ENTREP2: variants seen among roughly 807,000 people sequenced by gnomAD.
The protein encoded by ENTREP2 is endosomal transmembrane epsin interactor 2, also known as protein ENTREP2.
At chr15:29,519,176 CAT>C in the ENTREP2 span, among the ~76,000 whole-genome samples, 1 of 151,896 alleles carries the variant, frequency 6.6e-6, no homozygotes, top group African/African-American at 2.4e-5. Flanking sequence ...CACACACACA[CAT>C]ACACACACAG....
At chr15:29,444,743 G>A in the ENTREP2 span, among the ~76,000 whole-genome samples, 2 of 152,148 alleles carry the variant, frequency 1.3e-5, no homozygotes, top group African/African-American at 4.8e-5. Flanking sequence ...GGGATTACAG[G>A]TGTGAGCCAT....
chr15:29,598,055 A>G, the ENTREP2 span, among the ~76,000 whole-genome samples: 1 of 152,072 alleles, frequency 6.6e-6, no homozygotes, highest in Non-Finnish European at 1.5e-5. Flanking sequence ...CCTGGGAGGC[A>G]GAGGTTGCAG....
At chr15:29,125,726 G>A in the ENTREP2 span, among the ~76,000 whole-genome samples, 2 of 152,244 alleles carry the variant, frequency 1.3e-5, no homozygotes, top group African/African-American at 4.8e-5. Context: ...GGGAGCTACT[G>A]TGAAATGCAA....
the ENTREP2 span, chr15:29,121,693 C>T: frequency 5.3e-5 from 8 of 152,356 alleles, no homozygotes; most frequent in South Asian, 4.1e-4. Flanking sequence ...ATCTCTAGTA[C>T]GTCTCTCCTG....
At chr15:29,433,770 C>T in the ENTREP2 span, among the ~76,000 whole-genome samples, 3 of 104,600 alleles carry the variant, frequency 2.9e-5, no homozygotes, top group South Asian at 8.2e-4. Context: ...CAAACACAGA[C>T]TCCTCCATGG....
the ENTREP2 span, among the ~76,000 whole-genome samples, chr15:29,639,383 A>C: frequency 6.6e-6 from 1 of 152,212 alleles, no homozygotes; most frequent in Non-Finnish European, 1.5e-5. Flanking sequence ...TTCTGCCGAA[A>C]GTTTGTGATT....
chr15:29,191,496 G>C, the ENTREP2 span, among the ~76,000 whole-genome samples: 1 of 151,996 alleles, frequency 6.6e-6, no homozygotes, highest in African/African-American at 2.4e-5. Flanking sequence ...AAGACACAAG[G>C]GCTCATGGAA....
chr15:29,232,511 G>C, the ENTREP2 span, among the ~76,000 whole-genome samples: 33 of 151,144 alleles, frequency 2.2e-4, no homozygotes, highest in African/African-American at 8.0e-4. Flanking sequence ...TTTTTAAAGA[G>C]ATGGGGGGTC....
chr15:29,262,248 G>C, the ENTREP2 span, among the ~76,000 whole-genome samples: 1 of 152,042 alleles, frequency 6.6e-6, no homozygotes, highest in Admixed American at 6.6e-5. Context: ...GGTTCTTTAG[G>C]CCTCAGGCAA....
chr15:29,253,895 T>C, the ENTREP2 span, among the ~76,000 whole-genome samples: 1 of 152,126 alleles, frequency 6.6e-6, no homozygotes, highest in Non-Finnish European at 1.5e-5. Flanking sequence ...CCTCATCAAC[T>C]GTTTTGTTAC....
At chr15:29,338,893 T>C in the ENTREP2 span, among the ~76,000 whole-genome samples, 158 of 76,758 alleles carry the variant, frequency 2.1e-3, no homozygotes, top group African/African-American at 4.8e-3. Context: ...TCCCAGCAAA[T>C]AATACTCCCC....
chr15:29,185,288 C>A, the ENTREP2 span, among the ~76,000 whole-genome samples: 1 of 152,036 alleles, frequency 6.6e-6, no homozygotes, highest in African/African-American at 2.4e-5. Flanking sequence ...CTATCGGTTT[C>A]GGAATCACAC....
chr15:29,130,758 C>A, the ENTREP2 span, among the ~76,000 whole-genome samples: 1 of 152,162 alleles, frequency 6.6e-6, no homozygotes, highest in Non-Finnish European at 1.5e-5. Context: ...TGTGGCCCTT[C>A]CCTGATGTCA....
the ENTREP2 span, among the ~76,000 whole-genome samples, chr15:29,545,842 A>T: frequency 6.6e-6 from 1 of 152,248 alleles, no homozygotes; most frequent in South Asian, 2.1e-4. Flanking sequence ...ACATCTTGAA[A>T]TGTTAATCCT....
chr15:29,289,109 A>T, the ENTREP2 span, among the ~76,000 whole-genome samples: 1 of 151,298 alleles, frequency 6.6e-6, no homozygotes, highest in African/African-American at 2.4e-5. Context: ...CTGAAGGCTG[A>T]GGTGGGAGGA....
At chr15:29,502,851 A>G in the ENTREP2 span, among the ~76,000 whole-genome samples, 646 of 152,184 alleles carry the variant, frequency 4.2e-3, 8 homozygotes, top group African/African-American at 0.015. Flanking sequence ...TCTTTAGGGA[A>G]GTTCAATATC....
chr15:29,571,412 G>C, the ENTREP2 span, among the ~76,000 whole-genome samples: 1 of 152,110 alleles, frequency 6.6e-6, no homozygotes, highest in Non-Finnish European at 1.5e-5. Flanking sequence ...GCAGACAGGA[G>C]GGAAATTCCG....
chr15:29,118,776 AGT>A, the ENTREP2 span, among the ~76,000 whole-genome samples: 19 of 149,136 alleles, frequency 1.3e-4, no homozygotes, highest in Admixed American at 1.3e-3. Context: ...GCCTGTCTAG[AGT>A]GACAATTCTG....
the ENTREP2 span, among the ~76,000 whole-genome samples, chr15:29,317,253 A>C: frequency 6.6e-6 from 1 of 152,182 alleles, no homozygotes; most frequent in African/African-American, 2.4e-5. Context: ...TATTACCATA[A>C]ATAACATTTA....
Sources: gnomAD v4.1 joint callset for allele counts (sites outside exome capture counted in the v4.1 genomes callset) on GRCh38, gnomAD v4.1.1 for gene constraint, MANE v1.5 for transcripts, NCBI Gene and HGNC (gene_info 2026-07-23, HGNC 2026-07-21) for gene names.